The following ADGRL3 variants were observed in gnomAD, a reference collection of about 807,000 sequenced individuals.
The protein encoded by ADGRL3 is calcium-independent alpha-latrotoxin receptor 3.
A neutral mutation model predicts 153.5 loss-of-function variants in ADGRL3; 62 were observed. The ratio of observed to expected loss-of-function variants is 0.40; its 90% CI spans 0.33 to 0.50. The LOEUF (loss-of-function observed/expected upper bound fraction) is 0.50. ADGRL3 is among the 20% of genes least tolerant of loss of function. ADGRL3 has a pLI of 0.47. For missense variants in ADGRL3, 1,641 were observed against 1,859.4 expected, an observed-to-expected ratio of 0.88 and a Z score of 2.16; for synonymous variants, 710 against 672.5, an observed-to-expected ratio of 1.06 and a Z score of -0.86.
chr4:61,675,643 T>TTTTA (rs71213003), intron 5 of ADGRL3, among the ~76,000 whole-genome samples: 6,882 of 139,714 alleles, frequency 0.049, 494 homozygotes, highest in African/African-American at 0.15. Context: ...GCTTAGAAAG[T>TTTTA]TTTATTTATT....
At chr4:61,823,606 A>G (rs141925057) in intron 9 of ADGRL3, among the ~76,000 whole-genome samples, 47 of 152,288 alleles carry the variant, frequency 3.1e-4, no homozygotes, top group African/African-American at 9.6e-4. Flanking sequence ...GAATGAGAAA[A>G]CTGAGACATA....
At chr4:61,716,458 G>A (rs1430880653) in intron 6 of ADGRL3, among the ~76,000 whole-genome samples, 2 of 152,146 alleles carry the variant, frequency 1.3e-5, no homozygotes, top group Non-Finnish European at 2.9e-5. Flanking sequence ...AAAGGAAAGT[G>A]AACATCAGTA....
intron 2 of ADGRL3, among the ~76,000 whole-genome samples, chr4:61,390,857 C>G (rs1003747986): frequency 6.6e-6 from 1 of 152,134 alleles, no homozygotes; most frequent in African/African-American, 2.4e-5. Context: ...CCCCGGCAGC[C>G]ACTGGTCTGT....
intron 25 of ADGRL3, among the ~76,000 whole-genome samples, chr4:62,058,969 A>G (rs1418893894): frequency 8.5e-5 from 13 of 152,154 alleles, no homozygotes; most frequent in Non-Finnish European, 1.8e-4. Flanking sequence ...CTTTGCACAT[A>G]AAAGGGGGAA....
intron 1 of ADGRL3, among the ~76,000 whole-genome samples, chr4:61,375,946 C>T (rs909176537): frequency 1.3e-5 from 2 of 152,196 alleles, no homozygotes; most frequent in Admixed American, 6.5e-5. Flanking sequence ...CCTGAATTGA[C>T]TCCCTTGTAT....
chr4:61,817,244 G>A (rs954311828), intron 9 of ADGRL3, among the ~76,000 whole-genome samples: 1 of 152,066 alleles, frequency 6.6e-6, no homozygotes, highest in Non-Finnish European at 1.5e-5. Context: ...AAAGGGCCGG[G>A]TGTCCGGTTT....
chr4:61,856,083 ACT>A (rs2098260524), intron 9 of ADGRL3, among the ~76,000 whole-genome samples: 1 of 152,084 alleles, frequency 6.6e-6, no homozygotes, highest in Admixed American at 6.5e-5. Flanking sequence ...AATTCAAGGA[ACT>A]GGCCAAGGAC....
intron 2 of ADGRL3, among the ~76,000 whole-genome samples, chr4:61,441,951 A>C (rs1409338370): frequency 6.6e-6 from 1 of 152,306 alleles, no homozygotes; most frequent in South Asian, 2.1e-4. Flanking sequence ...TCCTTCATAA[A>C]GACTACTCAA....
intron 8 of ADGRL3, among the ~76,000 whole-genome samples, chr4:61,745,239 T>C (rs2096639934): frequency 6.6e-6 from 1 of 152,172 alleles, no homozygotes; most frequent in African/African-American, 2.4e-5. Flanking sequence ...CTGATTGGTG[T>C]ACCTGAAAGT....
chr4:61,627,336 G>A (rs748648129), intron 5 of ADGRL3, among the ~76,000 whole-genome samples: 2 of 152,098 alleles, frequency 1.3e-5, no homozygotes, highest in Non-Finnish European at 2.9e-5. Flanking sequence ...ATAGTTAGCC[G>A]AATGTGGTGG....
chr4:61,707,872 A>T (rs941733220), intron 6 of ADGRL3, among the ~76,000 whole-genome samples: 1 of 152,144 alleles, frequency 6.6e-6, no homozygotes, highest in Non-Finnish European at 1.5e-5. Flanking sequence ...ACAAGACTCC[A>T]TTAGAGACAT....
chr4:61,440,977 A>G (rs926356171), intron 2 of ADGRL3, among the ~76,000 whole-genome samples: 3 of 152,208 alleles, frequency 2.0e-5, no homozygotes, highest in African/African-American at 7.2e-5. Context: ...GGCAGAACCA[A>G]TAGCTGAATA....
At chr4:61,960,021 C>CATAA (rs2098981959) in intron 17 of ADGRL3, among the ~76,000 whole-genome samples, 1 of 151,942 alleles carries the variant, frequency 6.6e-6, no homozygotes, top group East Asian at 1.9e-4. Flanking sequence ...ATGTTGAGTA[C>CATAA]CTCAAAATAT....
chr4:62,015,332 A>T (rs893278829), intron 21 of ADGRL3, among the ~76,000 whole-genome samples: 1 of 152,228 alleles, frequency 6.6e-6, no homozygotes, highest in East Asian at 1.9e-4. Flanking sequence ...TAAACCAGAT[A>T]CTTCAATGTG....
chr4:61,208,961 C>T (rs1738573845), intron 1 of ADGRL3, among the ~76,000 whole-genome samples: 1 of 152,018 alleles, frequency 6.6e-6, no homozygotes, highest in Non-Finnish European at 1.5e-5. Context: ...GCTATACATT[C>T]CGATTACCTT....
intron 14 of ADGRL3, among the ~76,000 whole-genome samples, chr4:61,935,585 G>A (rs926648852): frequency 2.0e-5 from 3 of 151,986 alleles, no homozygotes; most frequent in Non-Finnish European, 2.9e-5. Context: ...TGATATGATA[G>A]TACAGCTCTA....
At chr4:61,607,561 C>T (rs529992008) in intron 5 of ADGRL3, among the ~76,000 whole-genome samples, 1 of 152,238 alleles carries the variant, frequency 6.6e-6, no homozygotes, top group South Asian at 2.1e-4. Context: ...GATTGCATCA[C>T]TGCACTCCAG....
intron 21 of ADGRL3, among the ~76,000 whole-genome samples, chr4:62,018,591 G>A (rs2099223877): frequency 6.6e-6 from 1 of 152,108 alleles, no homozygotes. Context: ...CAAGAAATGA[G>A]GAAGAGAGAG....
At chr4:61,489,374 A>G (rs958769083) in intron 2 of ADGRL3, among the ~76,000 whole-genome samples, 8 of 151,974 alleles carry the variant, frequency 5.3e-5, no homozygotes, top group African/African-American at 1.9e-4. Flanking sequence ...AAATCTATGC[A>G]GATATAAAGG....
Sources: gnomAD v4.1 joint callset for allele counts (sites outside exome capture counted in the v4.1 genomes callset) on GRCh38, gnomAD v4.1.1 for gene constraint, MANE v1.5 for transcripts, NCBI Gene and HGNC (gene_info 2026-07-23, HGNC 2026-07-21) for gene names.